DOCK2: variants seen among roughly 807,000 people sequenced by gnomAD.
DOCK2 encodes the protein dedicator of cytokinesis protein 2.
A neutral mutation model predicts 248.9 loss-of-function variants in DOCK2; 87 were observed. The ratio of observed to expected loss-of-function variants is 0.35; its 90% CI spans 0.29 to 0.42. The LOEUF is 0.42. Ranked by LOEUF, DOCK2 falls within the 10% of genes least tolerant of loss-of-function variation. The probability of loss-of-function intolerance (pLI) is 1.00; values close to 1 mark genes in which losing one functional copy is unlikely to be tolerated. For missense variants in DOCK2, 1,747 were observed against 2,300.2 expected (o/e 0.76, Z 4.92); for synonymous variants, 805 against 821.6 (o/e 0.98, Z 0.35).
intron 25 of DOCK2, among the ~76,000 whole-genome samples, chr5:169,766,968 C>T (rs929715316): frequency 6.6e-6 from 1 of 152,098 alleles, no homozygotes; most frequent in Non-Finnish European, 1.5e-5. Flanking sequence ...GCTGGCCAGG[C>T]TGGTCTCAAA....
chr5:169,738,110 G>A (rs964287259), intron 22 of DOCK2, among the ~76,000 whole-genome samples: 6 of 152,304 alleles, frequency 3.9e-5, no homozygotes, highest in African/African-American at 1.4e-4. Context: ...TTCATTGCTT[G>A]CTTGGTGGTG....
intron 33 of DOCK2, among the ~76,000 whole-genome samples, chr5:170,021,110 G>A (rs531766364): frequency 6.6e-6 from 1 of 152,320 alleles, no homozygotes; most frequent in African/African-American, 2.4e-5. Flanking sequence ...GTGCCAGAAG[G>A]GCTAGTGGCC....
intron 14 of DOCK2, among the ~76,000 whole-genome samples, chr5:169,707,485 G>A (rs182111067): frequency 7.9e-5 from 12 of 152,240 alleles, no homozygotes; most frequent in East Asian, 3.9e-4. Flanking sequence ...CTGTCATCAC[G>A]TTGCCTTGCT....
At chr5:169,908,679 A>C (rs1774422250) in intron 27 of DOCK2, among the ~76,000 whole-genome samples, 1 of 150,952 alleles carries the variant, frequency 6.6e-6, no homozygotes, top group African/African-American at 2.4e-5. Flanking sequence ...TCTTCATTTT[A>C]CAGGTTTCAA....
rs1220804184 is a variant in DOCK2 at position 169,695,903 on chromosome 5, G to A, written c.944G>A (p.Cys315Tyr). 4 of 1,613,494 alleles carry A rather than the reference G, an allele frequency of 2.5e-6. No homozygotes were observed. The highest frequency in any genetic ancestry group is 4.5e-5 in the East Asian group (2 of 44,858). ...CTTAAGGATACTGGTGCAAAGAAGT[G>A]CACGCAGGGACTGAGGAGGCCCTTT... ...MDLKDTGAKKCTQGLRRPFGV... is the reference protein window; with the variant it reads ...MDLKDTGAKKYTQGLRRPFGV... Residue 315 changes from cysteine to tyrosine, a missense_variant, in exon 10 of 52, where the codon TGC (cysteine) becomes TAC (tyrosine). Coordinates refer to ENST00000520908, the MANE Select transcript of DOCK2 (RefSeq NM_004946.3).
intron 46 of DOCK2, among the ~76,000 whole-genome samples, chr5:170,071,434 C>T (rs563520696): frequency 3.9e-5 from 6 of 152,362 alleles, no homozygotes; most frequent in Non-Finnish European, 5.9e-5. Flanking sequence ...AGCAACCGAA[C>T]AAATGCTGAA....
chr5:169,917,461 T>C (rs1774935989), intron 27 of DOCK2, among the ~76,000 whole-genome samples: 1 of 152,238 alleles, frequency 6.6e-6, no homozygotes, highest in Admixed American at 6.5e-5. Flanking sequence ...TTTTAATTAC[T>C]GTGACTATCA....
chr5:169,714,058 G>T lies in DOCK2; in HGVS notation c.1690G>T (p.Ala564Ser). ...GDSKKMEDAS[A>S]YLTLPSYRHH... is the part of the protein sequence containing the mutation. ...CAGCAAGAAGATGGAGGATGCCAGCGCATACCTGACCCTTCCTTCTTATCG... is the reference window on the plus strand; with the variant it reads ...CAGCAAGAAGATGGAGGATGCCAGCTCATACCTGACCCTTCCTTCTTATCG... Residue 564 changes from alanine (A) to serine (S), a missense_variant, in exon 18 of 52, where the codon GCA becomes TCA. Physicochemically the swap from Ala to Ser is moderately conservative, Grantham distance 99. Around this residue, in one of 4 missense-constraint regions of DOCK2, gnomAD observed 858 missense variants for 1,183.5 expected, o/e 0.72. Transcript: ENST00000520908. 1 of 1,610,980 alleles carries T rather than the reference G, an allele frequency of 6.2e-7. No homozygotes were observed. Among genetic ancestry groups the T allele is most frequent in the Non-Finnish European group, 8.5e-7 (1 of 1,178,086 alleles).
intron 6 of DOCK2, among the ~76,000 whole-genome samples, chr5:169,675,109 C>T (rs1219339262): frequency 6.6e-6 from 1 of 152,180 alleles, no homozygotes; most frequent in African/African-American, 2.4e-5. Context: ...ATTATCCCCA[C>T]TTTTTTCCGA....
intron 27 of DOCK2, chr5:169,980,687 A>G (rs112573959): frequency 1.3e-5 from 2 of 152,328 alleles, no homozygotes; most frequent in African/African-American, 4.8e-5. Context: ...GGCTGGAGGT[A>G]GAAACGAGAA....
At chr5:170,024,348 T>C (rs990999278) in intron 33 of DOCK2, among the ~76,000 whole-genome samples, 3 of 141,304 alleles carry the variant, frequency 2.1e-5, no homozygotes, top group Admixed American at 7.2e-5. Context: ...AGTGTATGTT[T>C]GGGAGAGCCT....
At chr5:169,831,436 A>G (rs984080180) in intron 26 of DOCK2, among the ~76,000 whole-genome samples, 1 of 152,218 alleles carries the variant, frequency 6.6e-6, no homozygotes, top group Non-Finnish European at 1.5e-5. Context: ...TGTGCACACA[A>G]CTGTTTGTCT....
intron 26 of DOCK2, among the ~76,000 whole-genome samples, chr5:169,807,444 T>C (rs1324981011): frequency 1.3e-5 from 2 of 152,208 alleles, no homozygotes; most frequent in African/African-American, 2.4e-5. Context: ...TGTCTTTTTT[T>C]TTCCTTTAGT....
chr5:169,962,668 T>C (rs1777140349), intron 27 of DOCK2, among the ~76,000 whole-genome samples: 3 of 152,130 alleles, frequency 2.0e-5, no homozygotes, highest in Admixed American at 2.0e-4. Flanking sequence ...TGTCTGTTGC[T>C]TGAAATGACA....
At chr5:169,808,432 C>CG (rs1581220558) in intron 26 of DOCK2, among the ~76,000 whole-genome samples, 3 of 151,370 alleles carry the variant, frequency 2.0e-5, no homozygotes, top group South Asian at 2.1e-4. Context: ...TGGTAGGACT[C>CG]AGGGGGAGAT....
chr5:169,986,069 G>C (rs1044071930), intron 29 of DOCK2, 147 bp downstream of exon 29: 10 of 692,626 alleles, frequency 1.4e-5, no homozygotes, highest in Non-Finnish European at 2.0e-5. Flanking sequence ...TTAAACCCAG[G>C]GAAGGACTCC....
At chr5:169,845,882 A>G (rs528490068) in intron 27 of DOCK2, among the ~76,000 whole-genome samples, 9 of 152,322 alleles carry the variant, frequency 5.9e-5, no homozygotes, top group African/African-American at 2.2e-4. Context: ...TTTTCTTAAG[A>G]TATAGTTTCA....
chr5:170,019,213 G>T (rs1222075191), intron 33 of DOCK2, 105 bp downstream of exon 33: 2 of 1,551,488 alleles, frequency 1.3e-6, no homozygotes, highest in African/African-American at 2.7e-5. Context: ...GAGAGGCTCG[G>T]CGGCAGGATA....
chr5:169,682,389 A>G (rs1759715035), intron 7 of DOCK2, among the ~76,000 whole-genome samples: 2 of 152,368 alleles, frequency 1.3e-5, no homozygotes, highest in Non-Finnish European at 2.9e-5. Flanking sequence ...GCCCTGAGGT[A>G]GGACTGCATT....
Sources: gnomAD v4.1 joint callset for allele counts (sites outside exome capture counted in the v4.1 genomes callset) on GRCh38, gnomAD v4.1.1 for gene constraint, gnomAD v4.1.1 regional missense constraint, MANE v1.5 for transcripts, NCBI Gene and HGNC (gene_info 2026-07-23, HGNC 2026-07-21) for gene names.